Variants in DNAJB5 observed in about 807,000 individuals in gnomAD.
DNAJB5 encodes DnaJ heat shock protein family (Hsp40) member B5, also known as dnaJ homolog subfamily B member 5.
Under a neutral mutation model 32.6 loss-of-function variants are expected in DNAJB5, and 12 were observed. The observed-to-expected ratio is 0.37, with a 90% CI of 0.24 to 0.60. DNAJB5 has a LOEUF of 0.60. Among genes scored for constraint, DNAJB5 ranks in the 20% least tolerant of loss-of-function variants. DNAJB5 has a pLI of 0.71. For synonymous variants in DNAJB5, 188 were observed against 212.9 expected, an observed-to-expected ratio of 0.88 and a Z score of 1.02; for missense variants, 358 against 554.2, an observed-to-expected ratio of 0.65 and a Z score of 3.55.
At chr9:34,995,386 T>G (rs1393640741) in intron 3 of DNAJB5, among the ~76,000 whole-genome samples, 1 of 152,120 alleles carries the variant, frequency 6.6e-6, no homozygotes, top group Non-Finnish European at 1.5e-5. Context: ...CTCCTGTGCA[T>G]GAAGGCTGCC....
At chr9:34,991,268 G>A in intron 2 of DNAJB5, 1 of 456,866 alleles carries the variant, frequency 2.2e-6, no homozygotes, top group South Asian at 1.5e-5. Context: ...CATGCCATGG[G>A]GCTCCTTTGT....
chr9:34,991,674 C>CCG (rs1554662734), intron 2 of DNAJB5: 12 of 240,808 alleles, frequency 5.0e-5, no homozygotes, highest in South Asian at 6.3e-5. Context: ...GGTTGCCCCC[C>CCG]CCCCCAACGA....
At chr9:34,994,211 A>C in intron 3 of DNAJB5, among the ~76,000 whole-genome samples, 1 of 151,596 alleles carries the variant, frequency 6.6e-6, no homozygotes, top group East Asian at 1.9e-4. Context: ...CACGCTGAGG[A>C]CTCTCCTTCC....
At chr9:34,991,575 A>C (rs1827629961) in intron 2 of DNAJB5, 1 of 352,692 alleles carries the variant, frequency 2.8e-6, no homozygotes, top group African/African-American at 2.2e-5. Context: ...TCCCAGTCCC[A>C]GGGGAAAGAA....
Sources: allele counts gnomAD v4.1 joint callset (sites outside exome capture counted in the v4.1 genomes callset), GRCh38; gene constraint gnomAD v4.1.1; transcripts MANE v1.5; gene names NCBI Gene and HGNC (gene_info 2026-07-23, HGNC 2026-07-21).